ERLEC1: variants seen among roughly 807,000 people sequenced by gnomAD.
ERLEC1 encodes endoplasmic reticulum lectin 1.
A neutral mutation model predicts 68.0 loss-of-function variants in ERLEC1; 47 were observed. The observed-to-expected ratio is 0.69, with a 90% CI of 0.55 to 0.88. The LOEUF is 0.88. ERLEC1 is among the 40% of genes least tolerant of loss of function. The probability of loss-of-function intolerance (pLI) is 0.00; values close to 1 mark genes in which losing one functional copy is unlikely to be tolerated. For missense variants in ERLEC1, 567 were observed against 583.8 expected, an observed-to-expected ratio of 0.97 and a Z score of 0.30; for synonymous variants, 225 against 203.2, an observed-to-expected ratio of 1.11 and a Z score of -0.91.
intron 1 of ERLEC1, among the ~76,000 whole-genome samples, chr2:53,789,929 G>T (rs1197778321): frequency 1.3e-5 from 2 of 149,530 alleles, no homozygotes; most frequent in Non-Finnish European, 3.0e-5. Flanking sequence ...TGAGGCAGGA[G>T]AATCGCTTGA....
chr2:53,797,437 C>T (rs1675772920), intron 3 of ERLEC1, 78 bp from the exon 4 acceptor site: 9 of 1,032,840 alleles, frequency 8.7e-6, no homozygotes, highest in Non-Finnish European at 1.3e-5. Flanking sequence ...GGGGAAGTCT[C>T]AGCTGCTTCA....
chr2:53,790,402 G>A (rs1675327547), intron 1 of ERLEC1, among the ~76,000 whole-genome samples: 1 of 151,534 alleles, frequency 6.6e-6, no homozygotes, highest in South Asian at 2.1e-4. Context: ...CTGGCCGCGG[G>A]TTGGACATTT....
intron 8 of ERLEC1, among the ~76,000 whole-genome samples, chr2:53,804,011 G>C (rs1238077036): frequency 6.6e-6 from 1 of 152,258 alleles, no homozygotes; most frequent in African/African-American, 2.4e-5. Context: ...CACACCTGCA[G>C]TCCCAGCTAC....
intron 8 of ERLEC1, among the ~76,000 whole-genome samples, chr2:53,807,844 A>AAACAAC (rs113620205): frequency 0.011 from 1,712 of 150,608 alleles, 37 homozygotes; most frequent in African/African-American, 0.04. Context: ...TCTGTACTGA[A>AAACAAC]AACAACAACA....
chr2:53,798,687 A>G (rs1427137854), intron 5 of ERLEC1, among the ~76,000 whole-genome samples: 1 of 151,656 alleles, frequency 6.6e-6, no homozygotes, highest in African/African-American at 2.4e-5. Flanking sequence ...GGCTTAAGCA[A>G]AGTTATTATA....
intron 8 of ERLEC1, among the ~76,000 whole-genome samples, chr2:53,805,618 G>A (rs1328190141): frequency 6.6e-6 from 1 of 151,978 alleles, no homozygotes; most frequent in East Asian, 1.9e-4. Flanking sequence ...TGGAAGTGCA[G>A]ATATCTCTTC....
intron 8 of ERLEC1, among the ~76,000 whole-genome samples, chr2:53,802,286 T>C (rs949077325): frequency 1.3e-5 from 2 of 152,198 alleles, no homozygotes; most frequent in Non-Finnish European, 2.9e-5. Flanking sequence ...ACATTTTTAA[T>C]AATCTCACAC....
chr2:53,814,454 C>G, intron 11 of ERLEC1, 89 bp from the exon 12 acceptor site: 2 of 776,462 alleles, frequency 2.6e-6, no homozygotes, highest in Non-Finnish European at 4.1e-6. Context: ...CAAAACTGAT[C>G]CCTCTAACCA....
chr2:53,814,977 A>G (rs1294591497), intron 13 of ERLEC1, 42 bp downstream of exon 13: 6 of 1,035,500 alleles, frequency 5.8e-6, no homozygotes, highest in Non-Finnish European at 7.0e-6. Context: ...ATTTTGAGCC[A>G]TGTTTTAATT....
chr2:53,809,336 T>C, intron 10 of ERLEC1, 63 bp downstream of exon 10: 1 of 1,172,306 alleles, frequency 8.5e-7, no homozygotes, highest in Non-Finnish European at 1.2e-6. Flanking sequence ...GAATCTGTTG[T>C]AGAAAAAAAG....
At chr2:53,809,346 G>A (rs1235170819) in intron 10 of ERLEC1, 73 bp downstream of exon 10, 2 of 1,018,458 alleles carry the variant, frequency 2.0e-6, no homozygotes, top group Admixed American at 2.9e-5. Context: ...TAGAAAAAAA[G>A]GGGGAATGGT....
At chr2:53,807,832 C>G (rs980071719) in intron 8 of ERLEC1, among the ~76,000 whole-genome samples, 4 of 150,894 alleles carry the variant, frequency 2.7e-5, no homozygotes, top group Non-Finnish European at 4.4e-5. Context: ...GGTGAAAGCC[C>G]ATCTGTACTG....
intron 1 of ERLEC1, among the ~76,000 whole-genome samples, chr2:53,793,005 CAA>C (rs58494548): frequency 6.3e-5 from 8 of 127,644 alleles, no homozygotes; most frequent in Admixed American, 7.9e-5. Flanking sequence ...GACCCTGTCT[CAA>C]AAAAAAAAAA....
intron 1 of ERLEC1, among the ~76,000 whole-genome samples, chr2:53,791,949 T>C (rs1675419628): frequency 6.9e-6 from 1 of 145,354 alleles, no homozygotes; most frequent in Non-Finnish European, 1.5e-5. Flanking sequence ...CCTCGCTCTT[T>C]CGCCCAGGCT....
intron 1 of ERLEC1, among the ~76,000 whole-genome samples, chr2:53,793,721 T>G (rs1401030659): frequency 6.6e-6 from 1 of 152,142 alleles, no homozygotes; most frequent in Non-Finnish European, 1.5e-5. Context: ...ATAATCACTA[T>G]TTTAACTTCA....
At chr2:53,812,142 G>A (rs1338009910) in intron 10 of ERLEC1, among the ~76,000 whole-genome samples, 1 of 152,032 alleles carries the variant, frequency 6.6e-6, no homozygotes, top group Non-Finnish European at 1.5e-5. Flanking sequence ...TCGAACTCCC[G>A]ACCTCAGGTG....
At chr2:53,788,360 G>T (rs997035780) in intron 1 of ERLEC1, among the ~76,000 whole-genome samples, 5 of 152,126 alleles carry the variant, frequency 3.3e-5, no homozygotes, top group Non-Finnish European at 7.4e-5. Context: ...ATTTGCAAGT[G>T]TTAGGGGTTT....
intron 8 of ERLEC1, among the ~76,000 whole-genome samples, chr2:53,805,895 T>A (rs1676270877): frequency 6.6e-6 from 1 of 152,220 alleles, no homozygotes; most frequent in South Asian, 2.1e-4. Flanking sequence ...TCTCTGATGA[T>A]CAATGATGTT....
At chr2:53,800,408 CA>C (rs1675943281) in intron 6 of ERLEC1, among the ~76,000 whole-genome samples, 1 of 152,028 alleles carries the variant, frequency 6.6e-6, no homozygotes, top group Non-Finnish European at 1.5e-5. Flanking sequence ...TCTGCTTTTA[CA>C]AATGATAAAA....
Sources: gnomAD v4.1 joint callset for allele counts (sites outside exome capture counted in the v4.1 genomes callset) on GRCh38, gnomAD v4.1.1 for gene constraint, MANE v1.5 for transcripts, NCBI Gene and HGNC (gene_info 2026-07-23, HGNC 2026-07-21) for gene names.